Variants in KPNA5 observed in about 807,000 individuals in gnomAD.
The protein encoded by KPNA5 is karyopherin subunit alpha 5.
In KPNA5, 46 loss-of-function variants were observed where a neutral mutation model predicts 71.3. The ratio of observed to expected loss-of-function variants is 0.65; its 90% CI spans 0.51 to 0.83. The LOEUF is 0.83. KPNA5 is among the 40% of genes least tolerant of loss of function. The probability of loss-of-function intolerance (pLI) is 0.00; values close to 1 mark genes in which losing one functional copy is unlikely to be tolerated. For synonymous variants in KPNA5, 207 were observed against 201.4 expected, an observed-to-expected ratio of 1.03 and a Z score of -0.24; for missense variants, 547 against 628.3, an observed-to-expected ratio of 0.87 and a Z score of 1.38.
intron 4 of KPNA5, 62 bp from the exon 5 acceptor site, chr6:116,698,642 C>T (rs1778115932): frequency 1.1e-6 from 1 of 927,166 alleles, no homozygotes. Flanking sequence ...TTAATGGACA[C>T]AGGGACTAGA....
At chr6:116,714,991 G>A (rs891532736) in intron 7 of KPNA5, among the ~76,000 whole-genome samples, 2 of 152,110 alleles carry the variant, frequency 1.3e-5, no homozygotes, top group Admixed American at 1.3e-4. Context: ...ATGCCGCAAA[G>A]CTTTCCTACT....
In KPNA5 at chr6:116,711,538, A is replaced by ATGTGTGTGTGTGTG. The variant is rs143357784; in HGVS notation, c.657-4667_657-4654dup. ...ATTTATCTCAAAGTATTTTCTGCAT[A>ATGTGTGTGTGTGTG]TGTGTGTGTGTGTGTGTGTGTGTGT... On this transcript the variant is annotated intron_variant, in intron 7 of 13. Coordinates refer to ENST00000368564, the MANE Select transcript of KPNA5 (RefSeq NM_001366306.2). 2.4e-3 allele frequency among the ~76,000 whole-genome samples: 344 copies of ATGTGTGTGTGTGTG among 143,552 alleles called. 1 individual carries two copies. Among genetic ancestry groups the ATGTGTGTGTGTGTG allele is most frequent in the African/African-American group, 8.2e-3 (319 of 38,742 alleles). 94.2% of individuals were successfully genotyped at this position (143,552 alleles called of 152,430 possible).
chr6:116,722,007 A>C, intron 8 of KPNA5, 119 bp from the exon 9 acceptor site: 3 of 654,506 alleles, frequency 4.6e-6, no homozygotes, highest in Non-Finnish European at 7.1e-6. Flanking sequence ...AAACAATATA[A>C]ATTTTCTGGT....
intron 2 of KPNA5, 132 bp downstream of exon 2, chr6:116,689,585 C>A: frequency 1.4e-6 from 1 of 722,578 alleles, no homozygotes; most frequent in Non-Finnish European, 2.1e-6. Context: ...CTCCAGGCAT[C>A]ATAATTGCAA....
At chr6:116,722,357 C>A in intron 9 of KPNA5, 68 bp downstream of exon 9, 1 of 1,225,676 alleles carries the variant, frequency 8.2e-7, no homozygotes, top group Non-Finnish European at 1.1e-6. Flanking sequence ...CAAGTAATAG[C>A]TTTGTAAATA....
chr6:116,730,566 A>C (rs945948185), intron 13 of KPNA5, among the ~76,000 whole-genome samples: 12 of 152,194 alleles, frequency 7.9e-5, no homozygotes, highest in African/African-American at 2.9e-4. Context: ...TCAGGAATAC[A>C]GTTGCTGAGT....
intron 10 of KPNA5, 46 bp downstream of exon 10, chr6:116,724,421 TAAAAAA>T (rs777264962): frequency 6.9e-6 from 9 of 1,304,406 alleles, no homozygotes; most frequent in Middle Eastern, 1.9e-4. Context: ...TAAAGGACTT[TAAAAAA>T]TTTATGTTTC....
chr6:116,718,065 T>C (rs750559064), intron 8 of KPNA5, among the ~76,000 whole-genome samples: 16 of 152,086 alleles, frequency 1.1e-4, no homozygotes, highest in Non-Finnish European at 2.2e-4. Context: ...AGATGTAATG[T>C]GATAATTGCC....
In KPNA5 at chr6:116,732,122, A is replaced by G; in HGVS notation, c.1433-14A>G. ...TATATATATATATATATATATATAT[A>G]CTTTGTATAACAGGTCTGGATAAAA... On this transcript the variant is annotated splice_polypyrimidine_tract_variant and intron_variant, in intron 13 of 13. Coordinates refer to ENST00000368564, the MANE Select transcript of KPNA5 (RefSeq NM_001366306.2). 1.7e-6 allele frequency: 1 copy of G among 582,902 alleles called. No homozygotes were observed. The highest frequency in any genetic ancestry group is 4.7e-5 in the East Asian group (1 of 21,152). 36.1% of individuals were successfully genotyped at this position (582,902 alleles called of 1,614,324 possible).
chr6:116,714,924 T>C (rs1402793300), intron 7 of KPNA5, among the ~76,000 whole-genome samples: 1 of 152,202 alleles, frequency 6.6e-6, no homozygotes, highest in Non-Finnish European at 1.5e-5. Flanking sequence ...GAACTCAGGC[T>C]GCTGTCTTAA....
rs758056543 is a variant in KPNA5 at position 116,732,359 on chromosome 6, G to A, written c.*36G>A. On this transcript the variant is annotated 3_prime_UTR_variant, in exon 14 of 14. Coordinates refer to ENST00000368564, the MANE Select transcript of KPNA5 (RefSeq NM_001366306.2). ...GAAAAAAAATTTATGGCTAAAAAGG[G>A]TAGCTTCAGGTAACTCCTCTTTGTT... The A allele has an allele frequency of 1.7e-6, 2 of 1,192,848 alleles. No homozygotes were observed. The highest frequency in any genetic ancestry group is 1.9e-5 in the South Asian group (1 of 51,992). The allele number at this position is 1,192,848 out of a possible 1,614,324, so 73.9% of individuals were successfully genotyped here. A position where few individuals can be genotyped will look rare whatever the true frequency, so the allele number is the denominator to read the frequency against.
At position 116,737,903 on chromosome 6, in the gene KPNA5, CTT is replaced by C. The variant is rs1161794560; in HGVS notation, c.*5583_*5584del. The C allele has an allele frequency of 1.3e-5, 2 of 151,800 alleles. No homozygotes were observed. Among genetic ancestry groups the C allele is most frequent in the Non-Finnish European group, 2.9e-5 (2 of 67,850 alleles). The allele number at this position is 151,800 out of a possible 1,614,324, so 9.4% of individuals were successfully genotyped here. ...TGCTCATAATTTTAGAATTTCCAATCTTTTATTCTCTTTGGATTTATTCTTAA... is the reference window on the plus strand; with the variant it reads ...TGCTCATAATTTTAGAATTTCCAATCTTATTCTCTTTGGATTTATTCTTAA... On this transcript the variant is annotated 3_prime_UTR_variant, in exon 14 of 14. Transcript: ENST00000368564.
At chr6:116,696,037 A>T (rs184782707) in intron 4 of KPNA5, among the ~76,000 whole-genome samples, 3 of 152,028 alleles carry the variant, frequency 2.0e-5, no homozygotes, top group African/African-American at 4.8e-5. Flanking sequence ...TTAAGCCTTT[A>T]TATGTCTAAA....
At position 116,717,064 on chromosome 6, in the gene KPNA5, G is replaced by T. The variant is rs79856605; in HGVS notation, c.756+746G>T. 2.6e-5 allele frequency among the ~76,000 whole-genome samples: 4 copies of T among 152,066 alleles called. No individual in the cohort carries two copies. The East Asian group carries it at 7.7e-4, about 29-fold the overall frequency. ...GTAGTAATTTTTACTGCCTATTCAC[G>T]TTAACTCTTAAATAAAACTGGCTCT... On this transcript the variant is annotated intron_variant, in intron 8 of 13. Coordinates refer to ENST00000368564, the MANE Select transcript of KPNA5 (RefSeq NM_001366306.2).
At chr6:116,720,656 C>T (rs1231284397) in intron 8 of KPNA5, among the ~76,000 whole-genome samples, 1 of 151,992 alleles carries the variant, frequency 6.6e-6, no homozygotes, top group Non-Finnish European at 1.5e-5. Context: ...AGTTCTAGAC[C>T]AGCCTAGGCA....
Position 116,729,750 on chromosome 6 carries a change from T to A in KPNA5, c.1432+9T>A. The A allele has an allele frequency of 6.8e-7, 1 of 1,476,354 alleles. No homozygotes were observed. 91.5% of individuals were successfully genotyped at this position (1,476,354 alleles called of 1,614,324 possible). Reference sequence around the variant, plus strand: ...CATTGAAGAAGCATATGGTAAGCAATCAGTTAAAAATTTGCAATTATAGTC... The same window carrying A: ...CATTGAAGAAGCATATGGTAAGCAAACAGTTAAAAATTTGCAATTATAGTC... On this transcript the variant is annotated intron_variant, in intron 13 of 13. Coordinates refer to ENST00000368564, the MANE Select transcript of KPNA5 (RefSeq NM_001366306.2).
At chr6:116,685,178 G>A (rs1777527652) in intron 1 of KPNA5, among the ~76,000 whole-genome samples, 1 of 152,166 alleles carries the variant, frequency 6.6e-6, no homozygotes, top group Non-Finnish European at 1.5e-5. Context: ...TGTCCCTACA[G>A]TGGAATAACA....
At position 116,739,352 on chromosome 6, in the gene KPNA5, T is replaced by C. The variant is rs1426523887; in HGVS notation, c.*7029T>C. 6.6e-6 allele frequency: 1 copy of C among 151,876 alleles called. No homozygotes were observed. The highest frequency in any genetic ancestry group is 1.5e-5 in the Non-Finnish European group (1 of 67,952). The allele number at this position is 151,876 out of a possible 1,614,324, so 9.4% of individuals were successfully genotyped here. A position where few individuals can be genotyped will look rare whatever the true frequency, so the allele number is the denominator to read the frequency against. ...CACTGCTCAATGAAATAAAAGAGGA[T>C]ACAAAGAAATGGAAGAACATTCCAT... On this transcript the variant is annotated 3_prime_UTR_variant, in exon 14 of 14. Transcript: ENST00000368564.
Position 116,732,243 on chromosome 6 carries a change from A to G in KPNA5, c.1540A>G (p.Ile514Val), listed in dbSNP as rs573210507. ...YFGVEEDDPS[I>V]VPQVDENQQQ... ...TGGTGTAGAAGAAGATGACCCCAGC[A>G]TTGTACCTCAGGTGGATGAAAACCA... The change falls in exon 14 of 14, where the codon ATT (isoleucine) becomes GTT (valine). Residue 514 changes from isoleucine to valine, a missense_variant. Transcript: ENST00000368564. 129 of 1,597,050 alleles carry G rather than the reference A, an allele frequency of 8.1e-5. No homozygotes were observed. The highest frequency in any genetic ancestry group is 1.0e-4 in the Non-Finnish European group (119 of 1,171,474).
Sources: gnomAD v4.1 joint callset for allele counts (sites outside exome capture counted in the v4.1 genomes callset) on GRCh38, gnomAD v4.1.1 for gene constraint, MANE v1.5 for transcripts, NCBI Gene and HGNC (gene_info 2026-07-23, HGNC 2026-07-21) for gene names.